The following RGS9 variants were observed in gnomAD, a reference collection of about 807,000 sequenced individuals.
RGS9 encodes regulator of G protein signaling 9.
In RGS9, 78 loss-of-function variants were observed where a neutral mutation model predicts 102.0. The ratio of observed to expected loss-of-function variants is 0.76; its 90% CI spans 0.64 to 0.92. The LOEUF (loss-of-function observed/expected upper bound fraction) is 0.92, where lower values mean the gene tolerates loss of function less well. Among genes scored for constraint, RGS9 ranks in the 40% least tolerant of loss-of-function variants. RGS9 has a pLI of 0.00. For missense variants in RGS9, 833 were observed against 866.1 expected (o/e 0.96, Z 0.48); for synonymous variants, 353 against 318.6 (o/e 1.11, Z -1.15).
chr17:65,227,047 A>T (rs1369304031), intron 18 of RGS9, among the ~76,000 whole-genome samples: 1 of 152,248 alleles, frequency 6.6e-6, no homozygotes, highest in Non-Finnish European at 1.5e-5. Context: ...ATTATTTTTC[A>T]TTCAAAATGA....
chr17:65,198,608 C>T (rs758746540), intron 13 of RGS9, among the ~76,000 whole-genome samples: 7 of 152,194 alleles, frequency 4.6e-5, no homozygotes, highest in Non-Finnish European at 1.0e-4. Flanking sequence ...CAAAAAAACA[C>T]GAGGCCAGAT....
chr17:65,201,114 CACACAG>C (rs976266229), intron 13 of RGS9, among the ~76,000 whole-genome samples: 46 of 137,090 alleles, frequency 3.4e-4, no homozygotes, highest in African/African-American at 1.0e-3. Context: ...CACACACACA[CACACAG>C]ACACACACAC....
intron 17 of RGS9, among the ~76,000 whole-genome samples, chr17:65,216,160 A>G (rs1913516090): frequency 6.6e-6 from 1 of 152,236 alleles, no homozygotes; most frequent in African/African-American, 2.4e-5. Flanking sequence ...ATAATACTAT[A>G]ATACTATATG....
chr17:65,153,497 A>G lies in RGS9; in HGVS notation c.133A>G (p.Ser45Gly). 6.2e-7 allele frequency: 1 copy of G among 1,614,090 alleles called. No homozygotes were observed. The highest frequency in any genetic ancestry group is 8.5e-7 in the Non-Finnish European group (1 of 1,179,906). ...GCAGAACCAGAGGGTCCTGGTCACC[A>G]GCGTTCCTCATGCCATGACAGGTGA... is the stretch of plus-strand genomic sequence containing the variant. ...RMQNQRVLVT[S>G]VPHAMTGSDV... Residue 45 changes from serine to glycine, a missense_variant, in exon 2 of 19, where the codon AGC becomes GGC. Ser to Gly is a moderately conservative substitution (Grantham distance 56). Coordinates refer to ENST00000262406, the MANE Select transcript of RGS9 (RefSeq NM_003835.4).
At chr17:65,169,438 T>C (rs1911322386) in intron 8 of RGS9, among the ~76,000 whole-genome samples, 1 of 152,176 alleles carries the variant, frequency 6.6e-6, no homozygotes, top group African/African-American at 2.4e-5. Context: ...TCCTGGTTGG[T>C]AGCGAAGAAA....
intron 1 of RGS9, among the ~76,000 whole-genome samples, chr17:65,140,412 G>A (rs1019229940): frequency 7.2e-5 from 11 of 152,194 alleles, no homozygotes; most frequent in Admixed American, 3.3e-4. Flanking sequence ...GCCATGTTCT[G>A]TAATGGATGG....
At chr17:65,186,194 ATTTATTTAT>A (rs1349270331) in intron 9 of RGS9, among the ~76,000 whole-genome samples, 2 of 149,860 alleles carry the variant, frequency 1.3e-5, no homozygotes, top group African/African-American at 4.9e-5. Context: ...TTATTTATTT[ATTTATTTAT>A]TTATTTATTC....
chr17:65,193,254 C>CAAAA (rs377349682), intron 11 of RGS9, among the ~76,000 whole-genome samples: 3 of 83,144 alleles, frequency 3.6e-5, no homozygotes, highest in African/African-American at 1.2e-4. Context: ...TTGGCTGTCT[C>CAAAA]AAAAAAAAAA....
intron 7 of RGS9, among the ~76,000 whole-genome samples, chr17:65,165,002 C>A (rs968817863): frequency 2.6e-5 from 4 of 152,162 alleles, no homozygotes; most frequent in Non-Finnish European, 5.9e-5. Context: ...GCTGATATTA[C>A]TTAATTCCAT....
At chr17:65,138,311 C>T (rs79644062) in intron 1 of RGS9, among the ~76,000 whole-genome samples, 3,416 of 152,218 alleles carry the variant, frequency 0.022, 101 homozygotes, top group African/African-American at 0.066. Context: ...GATTAGGTCC[C>T]GGGTCACATC....
chr17:65,194,703 G>A (rs773823970), intron 12 of RGS9, among the ~76,000 whole-genome samples: 22 of 152,138 alleles, frequency 1.4e-4, no homozygotes, highest in Non-Finnish European at 2.1e-4. Flanking sequence ...AGAAGAGAAG[G>A]GTGTAATGGT....
At chr17:65,147,587 CTTTTT>C (rs36062784) in intron 1 of RGS9, among the ~76,000 whole-genome samples, 21 of 103,668 alleles carry the variant, frequency 2.0e-4, no homozygotes, top group African/African-American at 9.4e-4. Context: ...CTTTTAAAAA[CTTTTT>C]TTTTTTTTTT....
At chr17:65,199,777 A>T (rs1442415906) in intron 13 of RGS9, among the ~76,000 whole-genome samples, 1 of 152,094 alleles carries the variant, frequency 6.6e-6, no homozygotes, top group African/African-American at 2.4e-5. Flanking sequence ...TACAGGCGTG[A>T]GCCACTGCGC....
In RGS9 at chr17:65,207,362, C is replaced by T. The variant is rs115373276; in HGVS notation, c.1204-560C>T. Among the ~76,000 whole-genome samples the T allele has an allele frequency of 1.7e-3, 264 of 152,264 alleles. 2 individuals carry two copies. Among genetic ancestry groups the T allele is most frequent in the African/African-American group, 5.9e-3 (246 of 41,530 alleles). ...ACTGTAATTCTCAAACTTAAAGGTGCAGCAGAATTACCTGGAGACTGTTCA... is the reference window on the plus strand; with the variant it reads ...ACTGTAATTCTCAAACTTAAAGGTGTAGCAGAATTACCTGGAGACTGTTCA... On this transcript the variant is annotated intron_variant, in intron 15 of 18. Transcript: ENST00000262406.
intron 7 of RGS9, among the ~76,000 whole-genome samples, 157 bp downstream of exon 7, chr17:65,163,246 C>T (rs1297514400): frequency 3.3e-5 from 5 of 149,330 alleles, no homozygotes; most frequent in Non-Finnish European, 6.0e-5. Context: ...GTGATCTCGG[C>T]TCACTGCAAC....
rs1345257664 is a variant in RGS9 at position 65,158,317 on chromosome 17, C to G, written c.177C>G (p.Ile59Met). 9 of 1,614,040 alleles carry G rather than the reference C, an allele frequency of 5.6e-6. No homozygotes were observed. The African/African-American group carries it at 1.2e-4, about 22-fold the overall frequency. ...AMTGSDVLQWIVQRLWISSLE... is the reference protein window; with the variant it reads ...AMTGSDVLQWMVQRLWISSLE... ...CAGGAAGTGATGTTCTGCAATGGAT[C>G]GTCCAGCGGCTTTGGATCTCCAGTC... Residue 59 changes from isoleucine to methionine, a missense_variant, in exon 3 of 19, where the codon ATC (isoleucine) becomes ATG (methionine). Physicochemically the swap from Ile to Met is conservative, Grantham distance 10 (BLOSUM62 1). Transcript: ENST00000262406.
chr17:65,186,591 G>C (rs1912134445), intron 9 of RGS9, among the ~76,000 whole-genome samples: 2 of 152,182 alleles, frequency 1.3e-5, no homozygotes, highest in Admixed American at 1.3e-4. Context: ...TGGGAAGAGA[G>C]CAGGCTAGGA....
chr17:65,153,338 G>T (rs1010047534), intron 1 of RGS9, 84 bp from the exon 2 acceptor site: 3 of 1,162,058 alleles, frequency 2.6e-6, no homozygotes, highest in African/African-American at 3.0e-5. Context: ...GCATTTTGAG[G>T]TCCCTCTCAG....
chr17:65,179,682 T>TGTGTGTGTGTGTGTGTGTGTGTG (rs1911784767), intron 9 of RGS9, among the ~76,000 whole-genome samples: 1 of 125,484 alleles, frequency 8.0e-6, no homozygotes, highest in African/African-American at 3.2e-5. Flanking sequence ...TGTGTGTGTG[T>TGTGTGTGTGTGTGTGTGTGTGTG]TGGGGGTGGT....
Sources: allele counts gnomAD v4.1 joint callset (sites outside exome capture counted in the v4.1 genomes callset), GRCh38; gene constraint gnomAD v4.1.1; transcripts MANE v1.5; gene names NCBI Gene and HGNC (gene_info 2026-07-23, HGNC 2026-07-21).